Variants in NDUFAF3 observed in about 807,000 individuals in gnomAD.
NDUFAF3 encodes the protein NADH:ubiquinone oxidoreductase complex assembly factor 3, also known as NADH dehydrogenase [ubiquinone] 1 alpha subcomplex assembly factor 3.
NDUFAF3 carries 21 observed loss-of-function variants against 22.6 expected under a neutral mutation model. That is an observed-to-expected ratio of 0.93 (90% confidence interval 0.66 to 1.34). NDUFAF3 has a LOEUF of 1.34. NDUFAF3 is among the 40% of genes most tolerant of loss of function. The pLI is 0.00. For missense variants in NDUFAF3, 251 were observed against 248.4 expected (o/e 1.01, Z -0.07); for synonymous variants, 113 against 104.9 (o/e 1.08, Z -0.47).
chr3:49,020,740 A>G (rs764240631), upstream of NDUFAF3: 1 of 464,754 alleles, frequency 2.2e-6, no homozygotes, highest in South Asian at 1.6e-5. Context: ...TCCTGCCCCC[A>G]GGTCACTCGC....
In NDUFAF3 at chr3:49,022,899, G is replaced by A; in HGVS notation, c.361G>A (p.Asp121Asn). ...AGAGATCGTGGTGGTGGGGACTGGA[G>A]ACCGGACCGAGAGGCTGCAGTCCCA... is the stretch of plus-strand genomic sequence containing the variant. ...RIEIVVVGTG[D>N]RTERLQSQVL... The change falls in exon 4 of 5, where the codon GAC becomes AAC. Residue 121 changes from aspartate to asparagine, a missense_variant. Physicochemically the swap from Asp to Asn is conservative, Grantham distance 23. Transcript: ENST00000326925. This position sits in a 1 kb window ranked among gnomAD's most constrained non-coding sequence, Gnocchi z 6.6. 6.2e-7 allele frequency: 1 copy of A among 1,614,074 alleles called. No homozygotes were observed. Among genetic ancestry groups the A allele is most frequent in the Non-Finnish European group, 8.5e-7 (1 of 1,180,044 alleles).
rs752264474 is a variant in NDUFAF3 at position 49,022,677 on chromosome 3, T to C, written c.271-25T>C. ...GGAGAGGCTGCGTGGATTTGTCGTA[T>C]TAAATGTGCCTCCTCCCTGCACAGG... On this transcript the variant is annotated intron_variant, in intron 2 of 4. Coordinates refer to ENST00000326925, the MANE Select transcript of NDUFAF3 (RefSeq NM_199069.2). This position sits in a 1 kb window ranked among gnomAD's most constrained non-coding sequence, Gnocchi z 6.6. The C allele has an allele frequency of 6.2e-7, 1 of 1,613,946 alleles. No individual in the cohort carries two copies. Among genetic ancestry groups the C allele is most frequent in the South Asian group, 1.1e-5 (1 of 91,070 alleles).
intron 4 of NDUFAF3, 26 bp from the exon 5 acceptor site, chr3:49,023,030 G>A (rs779899364): frequency 5.6e-6 from 9 of 1,613,850 alleles, no homozygotes; most frequent in Non-Finnish European, 6.8e-6. Context: ...GCGCTAGACA[G>A]GCTGATGCTG....
Position 49,022,973 on chromosome 3 carries a change from C to T in NDUFAF3, c.435C>T (p.Asp145=), listed in dbSNP as rs2093177013. The T allele has an allele frequency of 1.2e-6, 2 of 1,614,100 alleles. No individual in the cohort carries two copies. Among genetic ancestry groups the T allele is most frequent in the East Asian group, 2.2e-5 (1 of 44,880 alleles). The change falls in exon 4 of 5, where the codon GAC becomes GAT. Residue 145 remains aspartate, a synonymous_variant. Transcript: ENST00000326925. The surrounding 1 kb of genome is among the most constrained non-coding windows in gnomAD (Gnocchi z 6.6). ...GGGGCATTGCTGTGGAAGTGCAGGACACGGTGAGTCCCGGGACTGGGGCAT... is the reference window on the plus strand; with the variant it reads ...GGGGCATTGCTGTGGAAGTGCAGGATACGGTGAGTCCCGGGACTGGGGCAT... ...RQRGIAVEVQ[D]TPNACATFNF...
Position 49,022,472 on chromosome 3 carries a change from C to T in NDUFAF3, c.204C>T (p.Phe68=), listed in dbSNP as rs745923794. 1.5e-5 allele frequency: 24 copies of T among 1,613,052 alleles called. No homozygotes were observed. Among genetic ancestry groups the T allele is most frequent in the Non-Finnish European group, 1.9e-5 (22 of 1,179,998 alleles). Residue 68 remains phenylalanine (F), a synonymous_variant, in exon 2 of 5, where the codon TTC becomes TTT. Transcript: ENST00000326925. This position sits in a 1 kb window ranked among gnomAD's most constrained non-coding sequence, Gnocchi z 6.6. ...TCGACAGCTACAACAGCCGCGGCTT[C>T]ATGATAAACGGAAACCGCGTGCTCG... ...MYIDSYNSRG[F]MINGNRVLGP...
At chr3:49,022,083 A>AT (rs1033941919), upstream of NDUFAF3, 5 of 1,539,178 alleles carry the variant, frequency 3.2e-6, no homozygotes, top group African/African-American at 6.8e-5. The surrounding 1 kb of genome is among the most constrained non-coding windows in gnomAD (Gnocchi z 6.6). Flanking sequence ...CAGGCTCCGC[A>AT]GGGCCCTCCC....
chr3:49,021,964 C>T, upstream of NDUFAF3: 1 of 647,668 alleles, frequency 1.5e-6, no homozygotes. This position sits in a 1 kb window ranked among gnomAD's most constrained non-coding sequence, Gnocchi z 4.1. Context: ...TGGAGCTGCG[C>T]CGGAGGTCGG....
rs2093166036 is a variant in NDUFAF3 at position 49,022,235 on chromosome 3, C to G, written c.77+14C>G. The G allele has an allele frequency of 6.2e-7, 1 of 1,610,492 alleles. No homozygotes were observed. Among genetic ancestry groups the G allele is most frequent in the African/African-American group, 1.3e-5 (1 of 75,034 alleles). On this transcript the variant is annotated intron_variant, in intron 1 of 4. Transcript: ENST00000326925. This position sits in a 1 kb window ranked among gnomAD's most constrained non-coding sequence, Gnocchi z 6.6. ...TGAGCTTCCCTGGTGAGCTTGGACC[C>G]CGCGCCCTCGACCATCCAGCCCCCT...
Position 49,023,075 on chromosome 3 carries a change from T to G in NDUFAF3, c.458T>G (p.Phe153Cys), listed in dbSNP as rs772462002. The part of the protein sequence containing the change: ...VQDTPNACAT[F>C]NFLCHEGRVT... Reference sequence around the variant, plus strand: ...TTGCAGCCCAATGCCTGTGCCACCTTCAACTTCCTGTGTCATGAAGGCCGA... The same window carrying G: ...TTGCAGCCCAATGCCTGTGCCACCTGCAACTTCCTGTGTCATGAAGGCCGA... The change falls in exon 5 of 5, where the codon TTC (phenylalanine) becomes TGC (cysteine). Residue 153 changes from phenylalanine (F) to cysteine (C), a missense_variant. Phe to Cys is a radical substitution (Grantham distance 205). Coordinates refer to ENST00000326925, the MANE Select transcript of NDUFAF3 (RefSeq NM_199069.2). 1 of 1,614,178 alleles carries G rather than the reference T, an allele frequency of 6.2e-7. No homozygotes were observed. Among genetic ancestry groups the G allele is most frequent in the East Asian group, 2.2e-5 (1 of 44,880 alleles).
rs764704634 is a variant in NDUFAF3 at position 49,023,203 on chromosome 3, C to CTT, written c.*32_*33insTT. 6.6e-7 allele frequency: 1 copy of CTT among 1,519,972 alleles called. No individual in the cohort carries two copies. Among genetic ancestry groups the CTT allele is most frequent in the African/African-American group, 1.4e-5 (1 of 72,770 alleles). The allele number at this position is 1,519,972 out of a possible 1,614,324, so 94.2% of individuals were successfully genotyped here. On this transcript the variant is annotated 3_prime_UTR_variant, in exon 5 of 5. Coordinates refer to ENST00000326925, the MANE Select transcript of NDUFAF3 (RefSeq NM_199069.2). ...CAGGAACTGACCTGCTGACTGCACTCTGCCAGGCTTCCCAATGCTTTCACT... is the reference window on the plus strand; with the variant it reads ...CAGGAACTGACCTGCTGACTGCACTCTTTGCCAGGCTTCCCAATGCTTTCACT...
In NDUFAF3 at chr3:49,023,145, T is replaced by TA. The variant is rs776496400; in HGVS notation, c.529dup (p.Thr177AsnfsTer17). ...TCCCTCCACCAGGAGGGACTTCACT[T>TA]ACATCTTTGGGCCAAGCTGCTCAAT... On this transcript the variant is annotated frameshift_variant, in exon 5 of 5. Coordinates refer to ENST00000326925, the MANE Select transcript of NDUFAF3 (RefSeq NM_199069.2). LOFTEE classifies it low-confidence loss of function (END_TRUNC). The TA allele has an allele frequency of 6.2e-7, 1 of 1,614,098 alleles. No individual in the cohort carries two copies. The highest frequency in any genetic ancestry group is 8.5e-7 in the Non-Finnish European group (1 of 1,180,014).
chr3:49,022,714 C>CAGG lies in NDUFAF3; in HGVS notation c.285_287dup (p.Gln95_Asp96insGlu). 6.2e-7 allele frequency: 1 copy of CAGG among 1,614,074 alleles called. No individual in the cohort carries two copies. Among genetic ancestry groups the CAGG allele is most frequent in the Non-Finnish European group, 8.5e-7 (1 of 1,180,034 alleles). ...CCTCCCTGCACAGGTGGGATCCCAC[C>CAGG]AGGACATCACCGAAGACAGCTTTTC... On this transcript the variant is annotated inframe_insertion, in exon 3 of 5. Coordinates refer to ENST00000326925, the MANE Select transcript of NDUFAF3 (RefSeq NM_199069.2). The surrounding 1 kb of genome is among the most constrained non-coding windows in gnomAD (Gnocchi z 6.6).
chr3:49,022,866 C>T lies in NDUFAF3; in HGVS notation c.338-10C>T, dbSNP rs1242813553. 2 of 1,613,778 alleles carry T rather than the reference C, an allele frequency of 1.2e-6. No individual in the cohort carries two copies. Among genetic ancestry groups the T allele is most frequent in the Non-Finnish European group, 1.7e-6 (2 of 1,179,998 alleles). On this transcript the variant is annotated splice_polypyrimidine_tract_variant and intron_variant, in intron 3 of 4. Transcript: ENST00000326925. The surrounding 1 kb of genome is among the most constrained non-coding windows in gnomAD (Gnocchi z 6.6). ...AGAACTGTAGACTAGCCACACCCAC[C>T]CTTCCCTAGAGATCGTGGTGGTGGG...
Position 49,022,621 on chromosome 3 carries a change from C to G in NDUFAF3, c.271-81C>G, listed in dbSNP as rs1455052469. On this transcript the variant is annotated intron_variant, in intron 2 of 4. Coordinates refer to ENST00000326925, the MANE Select transcript of NDUFAF3 (RefSeq NM_199069.2). The surrounding 1 kb of genome is among the most constrained non-coding windows in gnomAD (Gnocchi z 6.6). ...CTTGGTCCCTGCAAACTTGGCTTTC[C>G]TCTGTCTCCTCCTGCAGTGGATGGA... 1.7e-5 allele frequency: 28 copies of G among 1,613,416 alleles called. No homozygotes were observed. The East Asian group carries it at 5.8e-4, about 33-fold the overall frequency.
chr3:49,022,115 G>T (rs780775061), upstream of NDUFAF3: 31 of 1,597,616 alleles, frequency 1.9e-5, no homozygotes, highest in Non-Finnish European at 2.2e-5. The surrounding 1 kb of genome is among the most constrained non-coding windows in gnomAD (Gnocchi z 6.6). Flanking sequence ...TAACGGCGCC[G>T]GTGACGACTT....
Position 49,022,971 on chromosome 3 carries a change from G to C in NDUFAF3, c.433G>C (p.Asp145His), listed in dbSNP as rs747790012. 1 of 1,613,964 alleles carries C rather than the reference G, an allele frequency of 6.2e-7. No individual in the cohort carries two copies. The highest frequency in any genetic ancestry group is 1.3e-5 in the African/African-American group (1 of 74,898). The change falls in exon 4 of 5, where the codon GAC becomes CAC. Residue 145 changes from aspartate (D) to histidine (H), a missense_variant. By Grantham distance (81) the Asp-to-His change is moderately conservative. Transcript: ENST00000326925. This position sits in a 1 kb window ranked among gnomAD's most constrained non-coding sequence, Gnocchi z 6.6. Reference sequence around the variant, plus strand: ...GCGGGGCATTGCTGTGGAAGTGCAGGACACGGTGAGTCCCGGGACTGGGGC... The same window carrying C: ...GCGGGGCATTGCTGTGGAAGTGCAGCACACGGTGAGTCCCGGGACTGGGGC... ...RQRGIAVEVQDTPNACATFNF... is the reference protein window; with the variant it reads ...RQRGIAVEVQHTPNACATFNF...
At position 49,022,688 on chromosome 3, in the gene NDUFAF3, T is replaced by G. The variant is rs1337397517; in HGVS notation, c.271-14T>G. ...GTGGATTTGTCGTATTAAATGTGCC[T>G]CCTCCCTGCACAGGTGGGATCCCAC... is the stretch of plus-strand genomic sequence containing the variant. On this transcript the variant is annotated splice_polypyrimidine_tract_variant and intron_variant, in intron 2 of 4. Coordinates refer to ENST00000326925, the MANE Select transcript of NDUFAF3 (RefSeq NM_199069.2). The surrounding 1 kb of genome is among the most constrained non-coding windows in gnomAD (Gnocchi z 6.6). 8 of 1,613,842 alleles carry G rather than the reference T, an allele frequency of 5.0e-6. No homozygotes were observed. Among genetic ancestry groups the G allele is most frequent in the Non-Finnish European group, 5.9e-6 (7 of 1,179,972 alleles).
At position 49,022,992 on chromosome 3, in the gene NDUFAF3, G is replaced by A; in HGVS notation, c.438+16G>A. On this transcript the variant is annotated intron_variant, in intron 4 of 4. Transcript: ENST00000326925. The surrounding 1 kb of genome is among the most constrained non-coding windows in gnomAD (Gnocchi z 6.6). The stretch of plus-strand genomic sequence containing the variant: ...GCAGGACACGGTGAGTCCCGGGACT[G>A]GGGCATGCTGCGGGGAGCACAGGCC... The A allele has an allele frequency of 6.2e-7, 1 of 1,614,042 alleles. No individual in the cohort carries two copies. Among genetic ancestry groups the A allele is most frequent in the South Asian group, 1.1e-5 (1 of 91,082 alleles).
chr3:49,023,456 A>G lies in NDUFAF3; in HGVS notation c.*284A>G, dbSNP rs552853196. 7 of 474,980 alleles carry G rather than the reference A, an allele frequency of 1.5e-5. No homozygotes were observed. Among genetic ancestry groups the G allele is most frequent in the African/African-American group, 3.9e-5 (2 of 50,966 alleles). 29.4% of individuals were successfully genotyped at this position (474,980 alleles called of 1,614,324 possible). On this transcript the variant is annotated 3_prime_UTR_variant, in exon 5 of 5. Transcript: ENST00000326925. The stretch of plus-strand genomic sequence containing the variant: ...GCCTGTTGTAGACCTACTTGCTCAC[A>G]TGCAGATTTGAGAGGACCTCAACGG...
Sources: allele counts gnomAD v4.1 joint callset, GRCh38; gene constraint gnomAD v4.1.1; non-coding constraint Gnocchi (gnomAD v3.1); transcripts MANE v1.5; gene names NCBI Gene and HGNC (gene_info 2026-07-23, HGNC 2026-07-21).